BCAR3: variants seen among roughly 807,000 people sequenced by gnomAD.
BCAR3 encodes breast cancer anti-estrogen resistance protein 3.
In BCAR3, 37 loss-of-function variants were observed where a neutral mutation model predicts 80.1. The ratio of observed to expected loss-of-function variants is 0.46; its 90% CI spans 0.36 to 0.61. BCAR3 has a LOEUF of 0.61. Among genes scored for constraint, BCAR3 ranks in the 20% least tolerant of loss-of-function variants. The pLI, the probability that BCAR3 is intolerant of heterozygous loss-of-function variation, is 0.00. For synonymous variants in BCAR3, 389 were observed against 418.9 expected (o/e 0.93, Z 0.87); for missense variants, 978 against 1,068.2 (o/e 0.92, Z 1.18).
chr1:93,819,873 G>A (rs1021277752), intron 2 of BCAR3, among the ~76,000 whole-genome samples: 2 of 152,230 alleles, frequency 1.3e-5, no homozygotes, highest in South Asian at 2.1e-4. Context: ...CCCAGGTAAT[G>A]GGCATCATAC....
intron 1 of BCAR3, among the ~76,000 whole-genome samples, chr1:93,679,353 G>C (rs2101953057): frequency 6.6e-6 from 1 of 152,238 alleles, no homozygotes; most frequent in South Asian, 2.1e-4. Context: ...CACAAATGAA[G>C]ACTGCAACTG....
intron 1 of BCAR3, among the ~76,000 whole-genome samples, chr1:93,679,456 C>T (rs1344727622): frequency 2.0e-5 from 3 of 152,184 alleles, no homozygotes; most frequent in Non-Finnish European, 4.4e-5. Context: ...GACACAGACA[C>T]ACGTACAGGC....
intron 8 of BCAR3, among the ~76,000 whole-genome samples, chr1:93,574,699 C>CTGAT (rs555693815): frequency 7.2e-4 from 110 of 152,296 alleles, no homozygotes; most frequent in African/African-American, 2.6e-3. Flanking sequence ...CTCACCTCTG[C>CTGAT]TGATAGAACG....
At chr1:93,657,450 T>A (rs912538654) in intron 2 of BCAR3, among the ~76,000 whole-genome samples, 17 of 152,136 alleles carry the variant, frequency 1.1e-4, no homozygotes, top group African/African-American at 3.9e-4. Context: ...ATAACTTTGA[T>A]ACCAAAAACA....
chr1:93,730,331 C>T (rs558542558), intron 2 of BCAR3, among the ~76,000 whole-genome samples: 39 of 152,100 alleles, frequency 2.6e-4, no homozygotes, highest in Non-Finnish European at 5.6e-4. Flanking sequence ...TTGCTCATCA[C>T]GCTTGTAATT....
rs531375621 is a variant in BCAR3, at chr1:93,674,945, A to AG, written c.-11-5dup. ...CCTGCAGCCATAATTCTCAACTCTAAGGGGGAAAGAAAAGAGTGAAGGTAT... is the reference window on the plus strand; with the variant it reads ...CCTGCAGCCATAATTCTCAACTCTAAGGGGGGAAAGAAAAGAGTGAAGGTAT... On this transcript the variant is annotated splice_polypyrimidine_tract_variant and splice_region_variant and intron_variant, in intron 1 of 11. Transcript: ENST00000260502. 2.9e-3 allele frequency: 4,407 copies of AG among 1,525,318 alleles called. 9 individuals are homozygous for AG. The highest frequency in any genetic ancestry group is 3.6e-3 in the Non-Finnish European group (4,065 of 1,140,996). The allele number at this position is 1,525,318 out of a possible 1,614,324, so 94.5% of individuals were successfully genotyped here.
chr1:93,777,526 T>C (rs1193007546), intron 2 of BCAR3, among the ~76,000 whole-genome samples: 1 of 150,168 alleles, frequency 6.7e-6, no homozygotes, highest in African/African-American at 2.4e-5. Flanking sequence ...CTTCCTCTTC[T>C]TCTTTCCTTC....
chr1:93,819,495 A>G lies in BCAR3; in HGVS notation c.-63+26072T>C, dbSNP rs541818443. ...CTACCAAAATACATGCGCTTTAGCA[A>G]AAGATACAAAGGTAGGTTGCTTCCT... On this transcript the variant is annotated intron_variant, in intron 2 of 13. Transcript: ENST00000370244. Among the ~76,000 whole-genome samples the G allele has an allele frequency of 5.3e-5, 8 of 152,348 alleles. No individual in the cohort carries two copies. In the South Asian group the frequency reaches 1.7e-3, roughly 32 times the overall value.
intron 3 of BCAR3, among the ~76,000 whole-genome samples, chr1:93,689,256 G>C (rs150918762): frequency 0.011 from 1,650 of 152,104 alleles, 30 homozygotes; most frequent in African/African-American, 0.038. Flanking sequence ...GGAGGTTGAG[G>C]CCAGTGGATC....
chr1:93,619,030 C>T (rs1329807839), intron 3 of BCAR3, among the ~76,000 whole-genome samples: 1 of 151,642 alleles, frequency 6.6e-6, no homozygotes, highest in East Asian at 1.9e-4. Context: ...CCTCTGCCTC[C>T]CAGGTTCGAG....
intron 3 of BCAR3, among the ~76,000 whole-genome samples, chr1:93,633,970 A>G (rs1772782): frequency 0.11 from 17,360 of 152,196 alleles, 1,661 homozygotes; most frequent in African/African-American, 0.26. Context: ...ATTTGCATTC[A>G]GCAAAAGTCA....
At chr1:93,699,227 C>T (rs1405940901) in intron 3 of BCAR3, among the ~76,000 whole-genome samples, 2 of 152,188 alleles carry the variant, frequency 1.3e-5, no homozygotes, top group Non-Finnish European at 2.9e-5. Context: ...TGTCTGGCTC[C>T]GACACATGGG....
At chr1:93,797,946 T>C (rs190949235) in intron 2 of BCAR3, among the ~76,000 whole-genome samples, 1 of 152,330 alleles carries the variant, frequency 6.6e-6, no homozygotes, top group Non-Finnish European at 1.5e-5. Flanking sequence ...ATAAAATCCA[T>C]TTGTCAAATA....
chr1:93,653,652 C>T (rs1647223927), intron 2 of BCAR3, among the ~76,000 whole-genome samples: 1 of 152,180 alleles, frequency 6.6e-6, no homozygotes, highest in South Asian at 2.1e-4. Flanking sequence ...GGGCGGAAGA[C>T]AGCTTAACAG....
intron 2 of BCAR3, among the ~76,000 whole-genome samples, chr1:93,749,784 G>A (rs913909870): frequency 4.5e-4 from 69 of 151,768 alleles, no homozygotes; most frequent in African/African-American, 1.2e-3. Flanking sequence ...CAAGTATTAC[G>A]TAAAGCAAAT....
In BCAR3 at chr1:93,592,891, A is replaced by C. The variant is rs1674269282; in HGVS notation, c.358-498T>G. 6.6e-6 allele frequency among the ~76,000 whole-genome samples: 1 copy of C among 152,234 alleles called. No homozygotes were observed. Among genetic ancestry groups the C allele is most frequent in the Non-Finnish European group, 1.5e-5 (1 of 68,042 alleles). On this transcript the variant is annotated intron_variant, in intron 3 of 11. Transcript: ENST00000260502. This position sits in a 1 kb window ranked among gnomAD's most constrained non-coding sequence, Gnocchi z 4.8. ...TGCTGTTGGTAAACTCATGTTCAGG[A>C]ATTGAGTCAGTCTTTAGAAACTTTT... is the stretch of plus-strand genomic sequence containing the variant.
At chr1:93,622,498 A>G (rs553158783) in intron 3 of BCAR3, among the ~76,000 whole-genome samples, 1 of 152,300 alleles carries the variant, frequency 6.6e-6, no homozygotes, top group South Asian at 2.1e-4. Flanking sequence ...ATAGTCCATC[A>G]GAGGTCCTAT....
intron 2 of BCAR3, among the ~76,000 whole-genome samples, chr1:93,774,828 G>A (rs1188946100): frequency 6.6e-6 from 1 of 152,192 alleles, no homozygotes; most frequent in African/African-American, 2.4e-5. Context: ...CTGTGGCCAG[G>A]TTACTCAAAT....
At chr1:93,722,596 C>T (rs768114311) in intron 2 of BCAR3, among the ~76,000 whole-genome samples, 6 of 152,130 alleles carry the variant, frequency 3.9e-5, no homozygotes, top group African/African-American at 4.8e-5. Flanking sequence ...TGCTTTCACA[C>T]GAGACGTTGC....
Sources: allele counts gnomAD v4.1 joint callset (sites outside exome capture counted in the v4.1 genomes callset), GRCh38; gene constraint gnomAD v4.1.1; non-coding constraint Gnocchi (gnomAD v3.1); transcripts MANE v1.5; gene names NCBI Gene and HGNC (gene_info 2026-07-23, HGNC 2026-07-21).